The following WWOX variants were observed in gnomAD, a reference collection of about 807,000 sequenced individuals.
The protein encoded by WWOX is WW domain-containing oxidoreductase.
In WWOX, 69 loss-of-function variants were observed where a neutral mutation model predicts 46.2. That is an observed-to-expected ratio of 1.49 (90% confidence interval 1.23 to 1.82). The LOEUF is 1.82. Ranked by LOEUF, WWOX falls within the 40% of genes most tolerant of loss-of-function variation. The pLI, the probability that WWOX is intolerant of heterozygous loss-of-function variation, is 0.00. For missense variants in WWOX, 919 were observed against 542.6 expected (o/e 1.69, Z -6.89); for synonymous variants, 359 against 202.6 (o/e 1.77, Z -6.56).
rs544717484 is a variant in WWOX, at chr16:78,637,912, T to G, written c.1056+205160T>G. On this transcript the variant is annotated intron_variant, in intron 8 of 8. Transcript: ENST00000566780. ...GTACCAGCATCCCTTCCTTGCAGGG[T>G]CCGTCCTTCCTCTGAGTTGGGGGAA... is the stretch of plus-strand genomic sequence containing the variant. Among the ~76,000 whole-genome samples the G allele has an allele frequency of 3.3e-5, 5 of 152,198 alleles. No homozygotes were observed. In the East Asian group the frequency reaches 9.7e-4, roughly 30 times the overall value.
At chr16:78,811,696 CTAATCCCCTCA>C (rs2051193915) in intron 8 of WWOX, among the ~76,000 whole-genome samples, 1 of 151,992 alleles carries the variant, frequency 6.6e-6, no homozygotes, top group Admixed American at 6.5e-5. Context: ...TATAAGGCTA[CTAATCCCCTCA>C]TGAGGGGACC....
At chr16:78,325,485 G>A (rs1220691477) in intron 5 of WWOX, among the ~76,000 whole-genome samples, 1 of 152,164 alleles carries the variant, frequency 6.6e-6, no homozygotes, top group African/African-American at 2.4e-5. Context: ...GAAAAGAAGT[G>A]AATTATTAGA....
chr16:78,771,955 A>G (rs1597584139), intron 8 of WWOX, among the ~76,000 whole-genome samples: 1 of 152,324 alleles, frequency 6.6e-6, no homozygotes, highest in Non-Finnish European at 1.5e-5. Context: ...TACAAAAATG[A>G]TACTTCCCTC....
intron 8 of WWOX, among the ~76,000 whole-genome samples, chr16:78,911,045 G>C (rs756495263): frequency 1.4e-4 from 21 of 151,430 alleles, no homozygotes; most frequent in Non-Finnish European, 2.8e-4. Flanking sequence ...CTTTCCCACA[G>C]CCTGTCGACT....
chr16:78,809,801 T>C (rs1261361128), intron 8 of WWOX, among the ~76,000 whole-genome samples: 1 of 152,196 alleles, frequency 6.6e-6, no homozygotes, highest in Non-Finnish European at 1.5e-5. Flanking sequence ...GTGTTCAGTG[T>C]GTGAGCTCCT....
chr16:78,263,219 C>A (rs72790045), intron 5 of WWOX, among the ~76,000 whole-genome samples: 44,752 of 152,050 alleles, frequency 0.29, 6,888 homozygotes, highest in East Asian at 0.43. Flanking sequence ...CAGAGCGAGA[C>A]TTCCTCTCAA....
chr16:78,832,517 A>T (rs533145688), intron 8 of WWOX, among the ~76,000 whole-genome samples: 1 of 152,244 alleles, frequency 6.6e-6, no homozygotes, highest in South Asian at 2.1e-4. Context: ...ATATTCTAAG[A>T]CCACCACACT....
chr16:78,809,161 C>A (rs901538162), intron 8 of WWOX, among the ~76,000 whole-genome samples: 9 of 151,942 alleles, frequency 5.9e-5, no homozygotes, highest in African/African-American at 2.2e-4. Flanking sequence ...AATCTCAAGT[C>A]ATAGGAGAAC....
At chr16:78,858,671 C>G (rs953715671) in intron 8 of WWOX, among the ~76,000 whole-genome samples, 2 of 151,722 alleles carry the variant, frequency 1.3e-5, no homozygotes, top group Admixed American at 6.6e-5. Context: ...GAATTGTGTT[C>G]CATCAACATG....
chr16:79,150,607 G>C (rs8052122), intron 8 of WWOX, among the ~76,000 whole-genome samples: 6 of 151,966 alleles, frequency 3.9e-5, no homozygotes, highest in Non-Finnish European at 7.4e-5. Context: ...AGAACCTCCA[G>C]TTTTTCTGGA....
At chr16:78,232,200 C>G (rs113550907) in intron 5 of WWOX, among the ~76,000 whole-genome samples, 120 of 152,212 alleles carry the variant, frequency 7.9e-4, no homozygotes, top group African/African-American at 2.8e-3. Context: ...AGTAGGAAAA[C>G]TTACAATTGA....
chr16:78,792,556 C>T (rs965733662), intron 8 of WWOX, among the ~76,000 whole-genome samples: 2 of 152,102 alleles, frequency 1.3e-5, no homozygotes, highest in East Asian at 1.9e-4. Flanking sequence ...AACTTAGGGC[C>T]ATTTAATACA....
At chr16:78,813,951 C>T (rs951574618) in intron 8 of WWOX, among the ~76,000 whole-genome samples, 18 of 152,204 alleles carry the variant, frequency 1.2e-4, no homozygotes, top group Non-Finnish European at 1.0e-4. Context: ...TGAAGCTTGT[C>T]TCCCCACCCC....
At chr16:78,140,780 C>G (rs911365197) in intron 4 of WWOX, among the ~76,000 whole-genome samples, 2 of 152,206 alleles carry the variant, frequency 1.3e-5, no homozygotes, top group African/African-American at 4.8e-5. Context: ...AGGTGACATT[C>G]TGAGGTACTG....
chr16:78,778,241 TC>T (rs34775472), intron 8 of WWOX, among the ~76,000 whole-genome samples: 1 of 151,994 alleles, frequency 6.6e-6, no homozygotes, highest in African/African-American at 2.4e-5. Context: ...TAACCTCCCA[TC>T]CCCTGTGTCT....
chr16:78,746,850 C>T (rs549383357), intron 8 of WWOX, among the ~76,000 whole-genome samples: 1 of 152,138 alleles, frequency 6.6e-6, no homozygotes, highest in Non-Finnish European at 1.5e-5. Flanking sequence ...AATATTTGAT[C>T]TTGTGAACCC....
Position 79,120,395 on chromosome 16 carries a change from T to C in WWOX, c.1057-91213T>C, listed in dbSNP as rs1347861536. On this transcript the variant is annotated intron_variant, in intron 8 of 8. Transcript: ENST00000566780. ...GTACAGATGGGGTAACAGTGGGCAA[T>C]GTGGCCCTTTCTGCACTTCCACAGT... 2.6e-5 allele frequency among the ~76,000 whole-genome samples: 4 copies of C among 152,312 alleles called. No homozygotes were observed. The East Asian group carries it at 5.8e-4, about 22-fold the overall frequency.
chr16:78,508,728 G>C (rs1285420035), intron 8 of WWOX, among the ~76,000 whole-genome samples: 3 of 152,194 alleles, frequency 2.0e-5, no homozygotes, highest in Non-Finnish European at 2.9e-5. Context: ...GGGAAGCAGA[G>C]CGTGAATGCC....
At chr16:78,483,291 C>G (rs2084542352) in intron 8 of WWOX, among the ~76,000 whole-genome samples, 1 of 151,926 alleles carries the variant, frequency 6.6e-6, no homozygotes, top group Non-Finnish European at 1.5e-5. Flanking sequence ...TGTCACTTTA[C>G]TTGGAAGAGA....
Sources: allele counts gnomAD v4.1 joint callset (sites outside exome capture counted in the v4.1 genomes callset), GRCh38; gene constraint gnomAD v4.1.1; transcripts MANE v1.5; gene names NCBI Gene and HGNC (gene_info 2026-07-23, HGNC 2026-07-21).